SCLY: variants seen among roughly 807,000 people sequenced by gnomAD.
SCLY encodes the protein putative selenocysteine lyase.
Under a neutral mutation model 50.1 loss-of-function variants are expected in SCLY, and 38 were observed. The observed-to-expected ratio is 0.76, with a 90% CI of 0.59 to 0.99. The LOEUF is 0.99. Among genes scored for constraint, SCLY ranks in the 50% least tolerant of loss-of-function variants. The pLI is 0.00. For synonymous variants in SCLY, 243 were observed against 249.4 expected (o/e 0.97, Z 0.24); for missense variants, 600 against 620.0 (o/e 0.97, Z 0.34).
At chr2:238,094,677 G>A (rs1574717031) in intron 10 of SCLY, 155 bp downstream of exon 10, 23 of 645,888 alleles carry the variant, frequency 3.6e-5, no homozygotes, top group East Asian at 1.6e-4. Flanking sequence ...GAGCAGGCTC[G>A]GGTGGCTGTG....
chr2:238,094,097 T>C (rs2106455766), intron 9 of SCLY, 153 bp downstream of exon 9: 1 of 729,600 alleles, frequency 1.4e-6, no homozygotes, highest in African/African-American at 1.8e-5. Flanking sequence ...GAAAGAACAG[T>C]GGCAGAAAGT....
At chr2:238,091,119 G>C (rs916482592) in intron 7 of SCLY, 99 bp from the exon 8 acceptor site, 50 of 1,114,202 alleles carry the variant, frequency 4.5e-5, no homozygotes, top group Non-Finnish European at 6.3e-5. Flanking sequence ...GAAAGATGTA[G>C]CGTGAGTTTG....
rs139036433 is a variant in SCLY at position 238,090,738 on chromosome 2, G to A, written c.885-480G>A. Reference sequence around the variant, plus strand: ...GTTAGGTCAGAGTATGCAAGCCATTGTCTTTAGGGGTCTCTTGCCCATCTC... The same window carrying A: ...GTTAGGTCAGAGTATGCAAGCCATTATCTTTAGGGGTCTCTTGCCCATCTC... On this transcript the variant is annotated intron_variant, in intron 7 of 11. Coordinates refer to ENST00000254663, the MANE Select transcript of SCLY (RefSeq NM_016510.7). 1.4e-4 allele frequency among the ~76,000 whole-genome samples: 22 copies of A among 152,290 alleles called. No individual in the cohort carries two copies. In the East Asian group the frequency reaches 4.2e-3, roughly 29 times the overall value.
intron 4 of SCLY, among the ~76,000 whole-genome samples, chr2:238,076,862 T>C (rs1422755804): frequency 6.6e-6 from 1 of 152,186 alleles, no homozygotes; most frequent in Admixed American, 6.5e-5. Flanking sequence ...TTTTTTTATT[T>C]TGTGGCCTAG....
rs139947130 is a variant in SCLY, at chr2:238,098,339, T to C, written c.1322T>C (p.Leu441Pro). The change falls in exon 12 of 12, where the codon CTG becomes CCG. Residue 441 changes from leucine to proline, a missense_variant. Coordinates refer to ENST00000254663, the MANE Select transcript of SCLY (RefSeq NM_016510.7). ...GACCTGAAGCAGGCCGTGGCGCAGC[T>C]GGAGGACCAGGCCTAGCACTGGGGC... ...VQDLKQAVAQ[L>P]EDQA 61 of 1,601,816 alleles carry C rather than the reference T, an allele frequency of 3.8e-5. No homozygotes were observed. Among genetic ancestry groups the C allele is most frequent in the Non-Finnish European group, 5.0e-5 (59 of 1,177,796 alleles).
rs2065103810 is a variant in SCLY at position 238,069,193 on chromosome 2, T to C, written c.304-104T>C. ...TCAGGAAGTTGAATTTCTTTGAAGC[T>C]TTTTTGATGTTAGCCACAAAAGAAA... On this transcript the variant is annotated intron_variant, in intron 3 of 11. Transcript: ENST00000254663. This position sits in a 1 kb window ranked among gnomAD's most constrained non-coding sequence, Gnocchi z 5.0. The C allele has an allele frequency of 2.8e-6, 3 of 1,077,928 alleles. No homozygotes were observed. Among genetic ancestry groups the C allele is most frequent in the Non-Finnish European group, 2.6e-6 (2 of 760,292 alleles). 66.8% of individuals were successfully genotyped at this position (1,077,928 alleles called of 1,614,324 possible).
At chr2:238,072,843 C>T (rs541875944) in intron 4 of SCLY, among the ~76,000 whole-genome samples, 2 of 152,130 alleles carry the variant, frequency 1.3e-5, no homozygotes, top group African/African-American at 2.4e-5. Flanking sequence ...CTCTTGCTCT[C>T]ATGGTATCCT....
At chr2:238,075,091 G>T (rs780713153) in intron 4 of SCLY, among the ~76,000 whole-genome samples, 1 of 152,072 alleles carries the variant, frequency 6.6e-6, no homozygotes, top group Non-Finnish European at 1.5e-5. Flanking sequence ...TCCCTTCTGT[G>T]CTTGGTTTGT....
chr2:238,075,623 T>C (rs559242836), intron 4 of SCLY, among the ~76,000 whole-genome samples: 1 of 152,290 alleles, frequency 6.6e-6, no homozygotes, highest in South Asian at 2.1e-4. Flanking sequence ...TTCTAGGAAT[T>C]TGTGCATTTC....
In SCLY at chr2:238,098,609, C is replaced by CCGCCCACATGGGAACGCCCACATAGGAA. The variant is rs1559254591; in HGVS notation, c.*267_*268insACGCCCACATAGGAACGCCCACATGGGA. 2.9e-6 allele frequency: 1 copy of CCGCCCACATGGGAACGCCCACATAGGAA among 349,718 alleles called. No individual in the cohort carries two copies. Among genetic ancestry groups the CCGCCCACATGGGAACGCCCACATAGGAA allele is most frequent in the Non-Finnish European group, 4.8e-6 (1 of 207,244 alleles). 21.7% of individuals were successfully genotyped at this position (349,718 alleles called of 1,614,324 possible). A position where few individuals can be genotyped will look rare whatever the true frequency, so the allele number is the denominator to read the frequency against. ...CCCACATAGGACCGCCCACATAGGA[C>CCGCCCACATGGGAACGCCCACATAGGAA]CGCCCACATGGGACCGCCCACATGG... On this transcript the variant is annotated 3_prime_UTR_variant, in exon 12 of 12. Coordinates refer to ENST00000254663, the MANE Select transcript of SCLY (RefSeq NM_016510.7).
chr2:238,095,919 T>TA (rs1339594723), intron 10 of SCLY: 1 of 151,770 alleles, frequency 6.6e-6, no homozygotes, highest in Non-Finnish European at 1.5e-5. Context: ...TTTTTTTTTT[T>TA]TTTTTGAGAT....
intron 7 of SCLY, among the ~76,000 whole-genome samples, chr2:238,087,019 GAAAA>G (rs34975994): frequency 0.089 from 13,264 of 149,194 alleles, 779 homozygotes; most frequent in African/African-American, 0.17. Context: ...AACTCCGTCT[GAAAA>G]AAAAAAAAAA....
intron 11 of SCLY, among the ~76,000 whole-genome samples, chr2:238,097,685 G>A (rs1029762983): frequency 2.6e-5 from 4 of 152,072 alleles, no homozygotes; most frequent in Non-Finnish European, 5.9e-5. Flanking sequence ...GTGTGATGAG[G>A]TCAGGCCCCT....
chr2:238,081,971 A>T, intron 5 of SCLY, 74 bp from the exon 6 acceptor site: 1 of 1,581,434 alleles, frequency 6.3e-7, no homozygotes, highest in Non-Finnish European at 8.6e-7. Context: ...GCCTGCGCTC[A>T]CTACTCCTGA....
At chr2:238,094,561 C>T (rs759572418) in intron 10 of SCLY, 39 bp downstream of exon 10, 27 of 1,513,996 alleles carry the variant, frequency 1.8e-5, no homozygotes, top group Non-Finnish European at 2.5e-5. Flanking sequence ...AGTGTGAGCA[C>T]AGCTCCCTCG....
chr2:238,081,553 G>T (rs2065237498), intron 4 of SCLY, 156 bp from the exon 5 acceptor site: 2 of 1,011,784 alleles, frequency 2.0e-6, no homozygotes, highest in Non-Finnish European at 2.8e-6. Flanking sequence ...CTCTGGGCCA[G>T]TGATGATGGG....
rs118074124 is a variant in SCLY at position 238,074,098 on chromosome 2, G to A, written c.484+4621G>A. Among the ~76,000 whole-genome samples the A allele has an allele frequency of 6.5e-4, 99 of 152,184 alleles. 2 individuals carry two copies. In the East Asian group the frequency reaches 0.018, roughly 28 times the overall value. Reference sequence around the variant, plus strand: ...GCGGGGAACGGATCACTTGAGGTCAGGAGTTCGAGACCAGCTTGACCAACA... The same window carrying A: ...GCGGGGAACGGATCACTTGAGGTCAAGAGTTCGAGACCAGCTTGACCAACA... On this transcript the variant is annotated intron_variant, in intron 4 of 11. Coordinates refer to ENST00000254663, the MANE Select transcript of SCLY (RefSeq NM_016510.7).
chr2:238,098,460 G>A lies in SCLY; in HGVS notation c.*105G>A. ...GGCTGTGCCAGGATGACTGTCTCAT[G>A]CCCCCTCTGCATTTTGTCCTGGAGT... On this transcript the variant is annotated 3_prime_UTR_variant, in exon 12 of 12. Transcript: ENST00000254663. 2.3e-6 allele frequency: 3 copies of A among 1,282,784 alleles called. No individual in the cohort carries two copies. The highest frequency in any genetic ancestry group is 3.0e-5 in the African/African-American group (2 of 67,330). 79.5% of individuals were successfully genotyped at this position (1,282,784 alleles called of 1,614,324 possible).
Position 238,098,566 on chromosome 2 carries a change from A to ACCGCCCAC in SCLY, c.*212_*213insCGCCCACC. On this transcript the variant is annotated 3_prime_UTR_variant, in exon 12 of 12. Coordinates refer to ENST00000254663, the MANE Select transcript of SCLY (RefSeq NM_016510.7). ...GCCCAGGACACCAACGCCGCATAGG[A>ACCGCCCAC]CTGCCCACATGGGACCGCCCACATA... The ACCGCCCAC allele has an allele frequency of 2.1e-6, 1 of 469,796 alleles. No individual in the cohort carries two copies. The allele number at this position is 469,796 out of a possible 1,614,324, so 29.1% of individuals were successfully genotyped here.
Sources: allele counts gnomAD v4.1 joint callset (sites outside exome capture counted in the v4.1 genomes callset), GRCh38; gene constraint gnomAD v4.1.1; non-coding constraint Gnocchi (gnomAD v3.1); transcripts MANE v1.5; gene names NCBI Gene and HGNC (gene_info 2026-07-23, HGNC 2026-07-21).